Variants in PROSER1 observed in about 807,000 individuals in gnomAD.
PROSER1 encodes the protein proline and serine-rich protein 1.
In PROSER1, 36 loss-of-function variants were observed where a neutral mutation model predicts 71.8. That is an observed-to-expected ratio of 0.50 (90% CI 0.38 to 0.66). PROSER1 has a LOEUF of 0.66. Among genes scored for constraint, PROSER1 ranks in the 30% least tolerant of loss-of-function variants. The probability of loss-of-function intolerance (pLI) is 0.00; values close to 1 mark genes in which losing one functional copy is unlikely to be tolerated. For synonymous variants in PROSER1, 490 were observed against 452.4 expected (o/e 1.08, Z -1.06); for missense variants, 1,107 against 1,135.0 (o/e 0.98, Z 0.35).
At chr13:39,022,526 A>T in intron 8 of PROSER1, 114 bp from the exon 9 acceptor site, 2 of 697,806 alleles carry the variant, frequency 2.9e-6, no homozygotes, top group South Asian at 3.6e-5. Flanking sequence ...TTATTATAAA[A>T]ACTCCTATTT....
chr13:39,012,642 C>G, intron 11 of PROSER1, 49 bp downstream of exon 11: 1 of 1,360,514 alleles, frequency 7.4e-7, no homozygotes. Context: ...ATGTGAACTA[C>G]AAGTTAGGTG....
chr13:39,025,559 A>T (rs369853733), intron 6 of PROSER1, among the ~76,000 whole-genome samples: 52 of 152,298 alleles, frequency 3.4e-4, no homozygotes, highest in East Asian at 2.5e-3. Flanking sequence ...AGCATTACAA[A>T]AAAGTCTTTG....
chr13:39,026,784 T>C (rs1458791594), intron 5 of PROSER1, among the ~76,000 whole-genome samples: 1 of 152,210 alleles, frequency 6.6e-6, no homozygotes, highest in African/African-American at 2.4e-5. Flanking sequence ...ACATGGTCCC[T>C]GCTCTTTACA....
At chr13:39,023,215 T>C (rs1271464976) in intron 7 of PROSER1, 85 bp from the exon 8 acceptor site, 8 of 992,794 alleles carry the variant, frequency 8.1e-6, no homozygotes, top group Non-Finnish European at 1.3e-5. Flanking sequence ...TATTTAGTCC[T>C]AATATGCTAA....
intron 9 of PROSER1, among the ~76,000 whole-genome samples, chr13:39,021,355 T>C (rs1208597356): frequency 6.6e-6 from 1 of 152,146 alleles, no homozygotes; most frequent in African/African-American, 2.4e-5. Context: ...GTCCAAAGAT[T>C]CTTAATAAAA....
In PROSER1 at chr13:39,022,356, G is replaced by T; in HGVS notation, c.700C>A (p.Pro234Thr). 1.9e-6 allele frequency: 3 copies of T among 1,611,846 alleles called. No homozygotes were observed. The highest frequency in any genetic ancestry group is 2.5e-6 in the Non-Finnish European group (3 of 1,178,012). ...CCTACAGGATTAGGAGTATATGGAG[G>T]TGGAGGTGGAGCTATGACATTCGCT... is the stretch of plus-strand genomic sequence containing the variant. Reference protein sequence around the residue: ...PLANVIAPPPPPYTPNPVGTE... With the variant: ...PLANVIAPPPTPYTPNPVGTE... Residue 234 changes from proline to threonine, a missense_variant, in exon 9 of 13, where the codon CCT (proline) becomes ACT (threonine). Coordinates refer to ENST00000352251, the MANE Select transcript of PROSER1 (RefSeq NM_025138.5).
In PROSER1 at chr13:39,014,283, G is replaced by A. The variant is rs771002346; in HGVS notation, c.969C>T (p.Ala323=). ...GTATTGATGGCTGAGGTGTGTGAAC[G>A]GCTGAGGAGACCTGCCCTGGGAACA... The part of the protein sequence containing the change: ...LPVFPGQVSS[A]VHTPQPSIPN... Residue 323 remains alanine, a synonymous_variant, in exon 11 of 13, where the codon GCC becomes GCT. Coordinates refer to ENST00000352251, the MANE Select transcript of PROSER1 (RefSeq NM_025138.5). 9 of 1,614,118 alleles carry A rather than the reference G, an allele frequency of 5.6e-6. No homozygotes were observed. Among genetic ancestry groups the A allele is most frequent in the Non-Finnish European group, 7.6e-6 (9 of 1,180,030 alleles).
Position 39,014,145 on chromosome 13 carries a change from T to C in PROSER1, c.1107A>G (p.Pro369=). ...CTGCGGTAGGAGTGGCAGAAGGACC[T>C]GGCAGTGACACTAGGCCAGAAAAAA... ...PSIFSGLVSL[P]GPSATPTAAT... is the part of the protein sequence containing the mutation. The change falls in exon 11 of 13, where the codon CCA becomes CCG. Residue 369 remains proline, a synonymous_variant. Coordinates refer to ENST00000352251, the MANE Select transcript of PROSER1 (RefSeq NM_025138.5). 2.5e-6 allele frequency: 4 copies of C among 1,614,028 alleles called. No individual in the cohort carries two copies. Among genetic ancestry groups the C allele is most frequent in the South Asian group, 1.1e-5 (1 of 91,080 alleles).
In PROSER1 at chr13:39,037,553, G is replaced by A. The variant is rs1871185008; in HGVS notation, c.-311C>T. ...TCCTCTGAGTTTTGCAGAAAAACCC[G>A]GGCTCGGCGGCAGGTTTGAGTGCGG... On this transcript the variant is annotated 5_prime_UTR_variant, in exon 1 of 13. Transcript: ENST00000352251. 3 of 261,970 alleles carry A rather than the reference G, an allele frequency of 1.1e-5. No homozygotes were observed. Among genetic ancestry groups the A allele is most frequent in the South Asian group, 8.2e-5 (1 of 12,252 alleles). 16.2% of individuals were successfully genotyped at this position (261,970 alleles called of 1,614,324 possible).
chr13:39,031,529 T>C, intron 3 of PROSER1, 34 bp downstream of exon 3: 2 of 1,457,892 alleles, frequency 1.4e-6, no homozygotes, highest in Non-Finnish European at 1.9e-6. Context: ...AATACTTAAA[T>C]TCTACGTTCT....
chr13:39,028,074 C>T (rs1870627051), intron 5 of PROSER1, among the ~76,000 whole-genome samples, 153 bp downstream of exon 5: 1 of 152,136 alleles, frequency 6.6e-6, no homozygotes, highest in Non-Finnish European at 1.5e-5. Flanking sequence ...AGCTCTATTT[C>T]CACGCCGCAG....
At position 39,029,319 on chromosome 13, in the gene PROSER1, G is replaced by T; in HGVS notation, c.237C>A (p.Phe79Leu). 1 of 1,525,502 alleles carries T rather than the reference G, an allele frequency of 6.6e-7. No individual in the cohort carries two copies. Among genetic ancestry groups the T allele is most frequent in the Non-Finnish European group, 8.8e-7 (1 of 1,137,644 alleles). 94.5% of individuals were successfully genotyped at this position (1,525,502 alleles called of 1,614,324 possible). A position where few individuals can be genotyped will look rare whatever the true frequency, so the allele number is the denominator to read the frequency against. ...CAAGAGCAACTAGTTTGTCTTTACT[G>T]AAAGTGAAACAGTTGAGTATATTGA... ...EVVNILNCFT[F>L]SKDKLVALEL... is the part of the protein sequence containing the mutation. The change falls in exon 4 of 13, where the codon TTC (phenylalanine) becomes TTA (leucine). Residue 79 changes from phenylalanine (F) to leucine (L), a missense_variant. Physicochemically the swap from Phe to Leu is conservative, Grantham distance 22. Coordinates refer to ENST00000352251, the MANE Select transcript of PROSER1 (RefSeq NM_025138.5).
rs1412302170 is a variant in PROSER1 at position 39,012,092 on chromosome 13, C to A, written c.2703G>T (p.Leu901Phe). ...LQHNAAAQSA[L>F]LQQVHSASAL... ...AGCCATTGCTGCTTACCTGCTGTAACAATGCTGACTGCGCAGCCGCATTAT... is the reference window on the plus strand; with the variant it reads ...AGCCATTGCTGCTTACCTGCTGTAAAAATGCTGACTGCGCAGCCGCATTAT... The change falls in exon 12 of 13, where the codon TTG (leucine) becomes TTT (phenylalanine). Residue 901 changes from leucine to phenylalanine, a missense_variant. Physicochemically the swap from Leu to Phe is conservative, Grantham distance 22 (BLOSUM62 0). Coordinates refer to ENST00000352251, the MANE Select transcript of PROSER1 (RefSeq NM_025138.5). The A allele has an allele frequency of 3.1e-6, 5 of 1,613,450 alleles. No homozygotes were observed. The highest frequency in any genetic ancestry group is 4.2e-6 in the Non-Finnish European group (5 of 1,179,814).
intron 10 of PROSER1, among the ~76,000 whole-genome samples, chr13:39,015,771 G>C (rs868501948): frequency 6.6e-6 from 1 of 152,112 alleles, no homozygotes; most frequent in Non-Finnish European, 1.5e-5. Flanking sequence ...AGTCTTGACC[G>C]TATTAATGTT....
At position 39,036,248 on chromosome 13, in the gene PROSER1, T is replaced by C. The variant is rs73458083; in HGVS notation, c.45+950A>G. On this transcript the variant is annotated intron_variant, in intron 1 of 12. Transcript: ENST00000352251. Reference sequence around the variant, plus strand: ...GTTCAAAAAAGAATGTTCAGTATTATCAAATATGAAAACTTAAACACGTCA... The same window carrying C: ...GTTCAAAAAAGAATGTTCAGTATTACCAAATATGAAAACTTAAACACGTCA... Among the ~76,000 whole-genome samples, 499 of 152,260 alleles carry C rather than the reference T, an allele frequency of 3.3e-3. 7 individuals carry two copies. Among genetic ancestry groups the C allele is most frequent in the African/African-American group, 0.012 (480 of 41,534 alleles).
At position 39,014,438 on chromosome 13, in the gene PROSER1, C is replaced by T; in HGVS notation, c.814G>A (p.Gly272Ser). ...TPASQLFSPHGSNPSTPAATP... is the reference protein window; with the variant it reads ...TPASQLFSPHSSNPSTPAATP... ...GCAGCAGGTGTTGAAGGATTAGAAC[C>T]ATGAGGAGAAAAGAGTTGACTTGCT... The change falls in exon 11 of 13, where the codon GGT becomes AGT. Residue 272 changes from glycine to serine, a missense_variant. Transcript: ENST00000352251. The T allele has an allele frequency of 6.2e-7, 1 of 1,613,096 alleles. No homozygotes were observed.
intron 6 of PROSER1, among the ~76,000 whole-genome samples, chr13:39,025,603 A>C (rs565779146): frequency 1.3e-5 from 2 of 152,292 alleles, no homozygotes; most frequent in South Asian, 2.1e-4. Context: ...CCAACCACCA[A>C]CACTACCTTG....
At position 39,029,164 on chromosome 13, in the gene PROSER1, C is replaced by T. The variant is rs142815084; in HGVS notation, c.275+117G>A. 1.1e-3 allele frequency: 643 copies of T among 584,802 alleles called. 4 individuals carry two copies. In the African/African-American group the frequency reaches 0.012, roughly 11 times the overall value. 36.2% of individuals were successfully genotyped at this position (584,802 alleles called of 1,614,324 possible). A position where few individuals can be genotyped will look rare whatever the true frequency, so the allele number is the denominator to read the frequency against. The stretch of plus-strand genomic sequence containing the variant: ...TTCACATTTGGAAATCAGAATGTAC[C>T]ACTATGCTTTTGACTGTATTTTGTT... On this transcript the variant is annotated intron_variant, in intron 4 of 12. Transcript: ENST00000352251.
intron 4 of PROSER1, chr13:39,028,956 CAA>C (rs35534965): frequency 1.3e-3 from 119 of 91,720 alleles, no homozygotes; most frequent in Middle Eastern, 4.1e-3. Context: ...AGCACCTTGC[CAA>C]AAAAAAAAAA....
Sources: allele counts gnomAD v4.1 joint callset (sites outside exome capture counted in the v4.1 genomes callset), GRCh38; gene constraint gnomAD v4.1.1; transcripts MANE v1.5; gene names NCBI Gene and HGNC (gene_info 2026-07-23, HGNC 2026-07-21).